The following OR51B5 variants were observed in gnomAD, a reference collection of about 807,000 sequenced individuals.
OR51B5 encodes the protein olfactory receptor family 51 subfamily B member 5, also known as olfactory receptor 51B5.
For missense variants in OR51B5, 456 were observed against 374.6 expected (o/e 1.22, Z -1.79); for synonymous variants, 186 against 144.8 (o/e 1.28, Z -2.04).
At chr11:5,452,305 T>A (rs573246372) in intron 1 of OR51B5, among the ~76,000 whole-genome samples, 68 of 151,748 alleles carry the variant, frequency 4.5e-4, no homozygotes, top group African/African-American at 1.6e-3. Context: ...GAGATCGAGA[T>A]CATCCTGGCT....
At chr11:5,342,221 C>A (rs750996395), downstream of OR51B5, among the ~76,000 whole-genome samples, 6 of 152,132 alleles carry the variant, frequency 3.9e-5, no homozygotes, top group Admixed American at 1.3e-4. Context: ...CCATTTCACT[C>A]GAACCAACTA....
At chr11:5,454,022 C>T (rs954144663) in intron 1 of OR51B5, 2 of 1,613,948 alleles carry the variant, frequency 1.2e-6, no homozygotes, top group Non-Finnish European at 1.7e-6. Context: ...CTCACTCCTA[C>T]TGCCTGCACC....
intron 1 of OR51B5, among the ~76,000 whole-genome samples, chr11:5,435,721 G>C (rs1297547337): frequency 6.6e-6 from 1 of 152,078 alleles, no homozygotes; most frequent in African/African-American, 2.4e-5. Flanking sequence ...CACCACAAAA[G>C]TCCTCCTGTC....
At chr11:5,485,268 C>A (rs988726997) in intron 1 of OR51B5, among the ~76,000 whole-genome samples, 3 of 152,160 alleles carry the variant, frequency 2.0e-5, no homozygotes, top group Non-Finnish European at 4.4e-5. Context: ...CTTCCTCTCA[C>A]GTTTTCTAAG....
chr11:5,423,224 G>C (rs1015041578), intron 1 of OR51B5: 2 of 1,434,668 alleles, frequency 1.4e-6, no homozygotes, highest in African/African-American at 2.9e-5. Flanking sequence ...TTCAGAATTA[G>C]GAAACTATAA....
chr11:5,435,145 G>T (rs1850575627), intron 1 of OR51B5, among the ~76,000 whole-genome samples: 1 of 152,154 alleles, frequency 6.6e-6, no homozygotes, highest in East Asian at 1.9e-4. Flanking sequence ...GTCCAATCTT[G>T]TACCCACTGA....
At chr11:5,342,633 G>C in exon 1 of OR51B5, 1 of 1,606,762 alleles carries the variant, frequency 6.2e-7, no homozygotes, top group African/African-American at 1.3e-5. Flanking sequence ...ATGGCATTCT[G>C]AATCTGCTTG....
intron 1 of OR51B5, among the ~76,000 whole-genome samples, chr11:5,429,658 A>T (rs1423231116): frequency 6.6e-6 from 1 of 152,174 alleles, no homozygotes. Context: ...CACTAGACCC[A>T]TGATTATGGG....
At chr11:5,347,722 A>T (rs1329269532), upstream of OR51B5, among the ~76,000 whole-genome samples, 1 of 152,074 alleles carries the variant, frequency 6.6e-6, no homozygotes, top group African/African-American at 2.4e-5. Context: ...CCCAATACCC[A>T]CAAGGCTGAG....
intron 1 of OR51B5, among the ~76,000 whole-genome samples, chr11:5,371,412 T>A (rs1007481605): frequency 3.3e-5 from 5 of 152,128 alleles, no homozygotes; most frequent in Non-Finnish European, 5.9e-5. Flanking sequence ...ATATAAAATT[T>A]CAACATAAAG....
chr11:5,341,950 G>A (rs978920175), downstream of OR51B5, among the ~76,000 whole-genome samples: 5 of 152,176 alleles, frequency 3.3e-5, no homozygotes, highest in Non-Finnish European at 7.3e-5. Context: ...TTTGTCAGAA[G>A]GTACTGCCTT....
chr11:5,381,383 C>A (rs1373330965), intron 1 of OR51B5, among the ~76,000 whole-genome samples: 4 of 152,146 alleles, frequency 2.6e-5, no homozygotes, highest in Non-Finnish European at 4.4e-5. Context: ...ACATTCACTT[C>A]ACCTAATATT....
intron 1 of OR51B5, among the ~76,000 whole-genome samples, chr11:5,487,180 T>C (rs1851510148): frequency 6.6e-6 from 1 of 152,214 alleles, no homozygotes; most frequent in Non-Finnish European, 1.5e-5. Flanking sequence ...AGTTCACTTC[T>C]CTGGGATTGG....
chr11:5,429,301 A>G (rs1850497381), intron 1 of OR51B5, among the ~76,000 whole-genome samples: 1 of 152,166 alleles, frequency 6.6e-6, no homozygotes, highest in Non-Finnish European at 1.5e-5. Context: ...CTTCACCGCA[A>G]TACCAGGGTC....
intron 1 of OR51B5, among the ~76,000 whole-genome samples, chr11:5,407,310 C>A (rs1468572208): frequency 1.3e-5 from 2 of 152,208 alleles, no homozygotes; most frequent in Non-Finnish European, 2.9e-5. Context: ...AATCTCTACA[C>A]ATTGACTTTT....
intron 1 of OR51B5, among the ~76,000 whole-genome samples, chr11:5,485,033 A>G (rs781169866): frequency 1.8e-4 from 28 of 152,322 alleles, no homozygotes; most frequent in Non-Finnish European, 3.8e-4. Flanking sequence ...TGAAAAGTAC[A>G]TCATCTACAT....
At chr11:5,421,360 C>A (rs1278920440) in intron 1 of OR51B5, among the ~76,000 whole-genome samples, 3 of 152,238 alleles carry the variant, frequency 2.0e-5, no homozygotes, top group Admixed American at 2.0e-4. Context: ...GGAGAAACCA[C>A]AGGTAAGACT....
intron 1 of OR51B5, chr11:5,422,501 G>C: frequency 1.9e-6 from 3 of 1,614,116 alleles, no homozygotes; most frequent in Non-Finnish European, 2.5e-6. Context: ...GGCCTGTTTT[G>C]CTCAGTTTTT....
intron 1 of OR51B5, among the ~76,000 whole-genome samples, chr11:5,417,548 C>A (rs1850262075): frequency 1.3e-5 from 2 of 149,046 alleles, no homozygotes. Flanking sequence ...GGCTAATATC[C>A]AGAATCTACA....
Sources: allele counts gnomAD v4.1 joint callset (sites outside exome capture counted in the v4.1 genomes callset), GRCh38; gene constraint gnomAD v4.1.1; transcripts MANE v1.5; gene names NCBI Gene and HGNC (gene_info 2026-07-23, HGNC 2026-07-21).